BGN: variants seen among roughly 807,000 people sequenced by gnomAD.
BGN encodes bone/cartilage proteoglycan-I.
A neutral mutation model predicts 20.0 loss-of-function variants in BGN; 6 were observed. The observed-to-expected ratio is 0.30, with a 90% CI of 0.16 to 0.59. The LOEUF (loss-of-function observed/expected upper bound fraction) is 0.59. Among genes scored for constraint, BGN ranks in the 20% least tolerant of loss-of-function variants. The probability of loss-of-function intolerance (pLI) is 0.88; values close to 1 mark genes in which losing one functional copy is unlikely to be tolerated. For missense variants in BGN, 292 were observed against 312.1 expected (o/e 0.94, Z 0.49); for synonymous variants, 146 against 134.6 (o/e 1.08, Z -0.59).
At chrX:153,506,170 A>G in intron 4 of BGN, 94 bp downstream of exon 4, 1 of 913,558 alleles carries the variant, frequency 1.1e-6, no homozygotes, top group Non-Finnish European at 1.5e-6. Flanking sequence ...AGTTCAAGAA[A>G]GAGTATGGTG....
rs200586340 is a variant in BGN at position 153,505,991 on chromosome X, C to G, written c.480C>G (p.Ser160=). 1 of 1,210,167 alleles carries G rather than the reference C, an allele frequency of 8.3e-7. No individual in the cohort carries two copies. The highest frequency in any genetic ancestry group is 1.7e-5 in the African/African-American group (1 of 57,261). ...AGATCCCGCCCAACCTACCCAGCTC[C>G]CTGGTGGAGCTCCGCATCCACGACA... is the stretch of plus-strand genomic sequence containing the variant. ...LVEIPPNLPS[S]LVELRIHDNR... Residue 160 remains serine, a synonymous_variant, in exon 4 of 8, where the codon TCC becomes TCG. Coordinates refer to ENST00000331595, the MANE Select transcript of BGN (RefSeq NM_001711.6).
chrX:153,496,803 G>A (rs377516506), intron 1 of BGN, among the ~76,000 whole-genome samples: 14 of 111,759 alleles, frequency 1.3e-4, no homozygotes, highest in Non-Finnish European at 1.7e-4. Flanking sequence ...CAGTGACAGC[G>A]CCAAGTCCCC....
At chrX:153,496,948 G>GCCCCCCCCCCCCCCCCCCCCCC (rs782676136) in intron 1 of BGN, among the ~76,000 whole-genome samples, 1 of 57,204 alleles carries the variant, frequency 1.7e-5, no homozygotes, top group Admixed American at 2.5e-4. Context: ...TGCTTCCCGG[G>GCCCCCCCCCCCCCCCCCCCCCC]CCCACCCCCC....
intron 1 of BGN, among the ~76,000 whole-genome samples, chrX:153,498,049 T>TC (rs2089731761): frequency 3.6e-5 from 4 of 112,492 alleles, no homozygotes; most frequent in African/African-American, 1.3e-4. Flanking sequence ...CAGGGTCAGG[T>TC]CCCGGCTCCC....
In BGN at chrX:153,505,898, C is replaced by T. The variant is rs781960216; in HGVS notation, c.387C>T (p.Ile129=). ...TGGTGAACAACAAGATCTCCAAGATCCATGAGAAGGCCTTCAGCCCACTGC... is the reference window on the plus strand; with the variant it reads ...TGGTGAACAACAAGATCTCCAAGATTCATGAGAAGGCCTTCAGCCCACTGC... The part of the protein sequence containing the change: ...LVLVNNKISK[I]HEKAFSPLRK... Residue 129 remains isoleucine (I), a synonymous_variant, in exon 4 of 8, where the codon ATC becomes ATT. Transcript: ENST00000331595. 47 of 1,210,145 alleles carry T rather than the reference C, an allele frequency of 3.9e-5. No homozygotes were observed. The highest frequency in any genetic ancestry group is 5.1e-5 in the Non-Finnish European group (46 of 895,216).
chrX:153,500,790 CATGTGTGT>C (rs1248748300), intron 1 of BGN, among the ~76,000 whole-genome samples: 3 of 104,507 alleles, frequency 2.9e-5, no homozygotes, highest in South Asian at 4.2e-4. Flanking sequence ...CATGTGTGTG[CATGTGTGT>C]ATGTGTGCAT....
At chrX:153,506,982 C>T (rs1281622015) in intron 6 of BGN, 59 bp downstream of exon 6, 3 of 1,205,599 alleles carry the variant, frequency 2.5e-6, no homozygotes, top group South Asian at 1.8e-5. Context: ...GCTGTGTGGC[C>T]CCTCGCGCCC....
intron 7 of BGN, among the ~76,000 whole-genome samples, 183 bp downstream of exon 7, chrX:153,507,368 T>C (rs1394891459): frequency 8.9e-6 from 1 of 112,617 alleles, no homozygotes; most frequent in Non-Finnish European, 1.9e-5. Flanking sequence ...CCATGGTGGA[T>C]ACCGAGCAAG....
chrX:153,508,206 G>C, intron 7 of BGN, 42 bp from the exon 8 acceptor site: 1 of 1,189,800 alleles, frequency 8.4e-7, no homozygotes, highest in Non-Finnish European at 1.1e-6. Context: ...GCTTGGCGTG[G>C]AGGGAGGGAG....
chrX:153,501,701 G>A (rs12835205), intron 1 of BGN, among the ~76,000 whole-genome samples: 101 of 112,053 alleles, frequency 9.0e-4, no homozygotes, highest in Non-Finnish European at 1.7e-3. Flanking sequence ...GGATGTGCCG[G>A]GAAGCCTGCC....
At chrX:153,500,375 G>A (rs782637710) in intron 1 of BGN, among the ~76,000 whole-genome samples, 25 of 111,793 alleles carry the variant, frequency 2.2e-4, no homozygotes, top group Non-Finnish European at 4.5e-4. Flanking sequence ...GCACACTTTG[G>A]TGGGGCTTGA....
chrX:153,507,214 C>A, intron 7 of BGN, 29 bp downstream of exon 7: 2 of 1,174,327 alleles, frequency 1.7e-6, no homozygotes, highest in Non-Finnish European at 2.3e-6. Flanking sequence ...CAGCCAGGTT[C>A]CCTAAGGCTG....
intron 1 of BGN, among the ~76,000 whole-genome samples, chrX:153,500,723 G>C (rs1487800829): frequency 2.1e-5 from 2 of 96,232 alleles, no homozygotes; most frequent in Non-Finnish European, 4.5e-5. Context: ...ATGTGTGCAT[G>C]TATGCATGTG....
Position 153,503,236 on chromosome X carries a change from G to A in BGN, c.-11-1385G>A, listed in dbSNP as rs569776264. Among the ~76,000 whole-genome samples the A allele has an allele frequency of 3.3e-4, 37 of 112,313 alleles. No individual in the cohort carries two copies. In the South Asian group the frequency reaches 0.013, roughly 40 times the overall value. ...CATAGGGTGCTGGCCTGGGGGCAGA[G>A]CCCCCACCTCCCCACGGCCTCCTTA... is the stretch of plus-strand genomic sequence containing the variant. On this transcript the variant is annotated intron_variant, in intron 1 of 7. Transcript: ENST00000331595.
At chrX:153,506,798 G>A in intron 5 of BGN, 32 bp from the exon 6 acceptor site, 1 of 1,195,974 alleles carries the variant, frequency 8.4e-7, no homozygotes, top group Non-Finnish European at 1.1e-6. Context: ...CTCAGCACCT[G>A]CATTCTCCCC....
At chrX:153,505,184 G>A in intron 2 of BGN, 54 bp from the exon 3 acceptor site, 1 of 1,022,974 alleles carries the variant, frequency 9.8e-7, no homozygotes, top group Non-Finnish European at 1.4e-6. Flanking sequence ...CTGGTGGTGG[G>A]GGTGGGGCCC....
chrX:153,497,404 C>A (rs1478484873), intron 1 of BGN, among the ~76,000 whole-genome samples: 1 of 110,072 alleles, frequency 9.1e-6, no homozygotes, highest in Admixed American at 9.4e-5. Context: ...AACCCGGGAT[C>A]CTGCCGGCCC....
At chrX:153,503,034 G>A (rs1285588444) in intron 1 of BGN, among the ~76,000 whole-genome samples, 1 of 112,899 alleles carries the variant, frequency 8.9e-6, no homozygotes, top group African/African-American at 3.2e-5. Flanking sequence ...CTGCATGGGG[G>A]CGACAGGACA....
chrX:153,505,358 G>A lies in BGN; in HGVS notation c.351+8G>A, dbSNP rs1556992829. On this transcript the variant is annotated splice_region_variant and intron_variant, in intron 3 of 7. Transcript: ENST00000331595. ...GGTCTCCAGCACCTCTACGTAAGGA[G>A]CTGGGAGGAACCAGCAGGCCTACAG... is the stretch of plus-strand genomic sequence containing the variant. 3 of 1,190,921 alleles carry A rather than the reference G, an allele frequency of 2.5e-6. No homozygotes were observed. In the Admixed American group the frequency reaches 6.6e-5, roughly 26 times the overall value.
Sources: gnomAD v4.1 joint callset for allele counts (sites outside exome capture counted in the v4.1 genomes callset) on GRCh38, gnomAD v4.1.1 for gene constraint, MANE v1.5 for transcripts, NCBI Gene and HGNC (gene_info 2026-07-23, HGNC 2026-07-21) for gene names.